The following ASCC3 variants were observed in gnomAD, a reference collection of about 807,000 sequenced individuals.
The protein encoded by ASCC3 is activating signal cointegrator 1 complex subunit 3.
In ASCC3, 158 loss-of-function variants were observed where a neutral mutation model predicts 256.3. The ratio of observed to expected loss-of-function variants is 0.62; its 90% CI spans 0.54 to 0.70. The LOEUF is 0.70. ASCC3 is among the 30% of genes least tolerant of loss of function. The pLI is 0.00. For synonymous variants in ASCC3, 948 were observed against 883.4 expected (o/e 1.07, Z -1.30); for missense variants, 2,259 against 2,626.0 (o/e 0.86, Z 3.05).
At chr6:100,841,218 T>C (rs896776889) in intron 4 of ASCC3, among the ~76,000 whole-genome samples, 7 of 152,094 alleles carry the variant, frequency 4.6e-5, no homozygotes, top group African/African-American at 1.4e-4. Context: ...AAGGAGATAG[T>C]AGTAAGGAAC....
intron 2 of ASCC3, among the ~76,000 whole-genome samples, chr6:100,865,848 C>T (rs1773450700): frequency 6.6e-6 from 1 of 152,158 alleles, no homozygotes; most frequent in Non-Finnish European, 1.5e-5. Flanking sequence ...AAATTCACAA[C>T]ATTATGGCTA....
At chr6:100,544,164 T>G (rs1775595882) in intron 36 of ASCC3, among the ~76,000 whole-genome samples, 9 of 152,108 alleles carry the variant, frequency 5.9e-5, no homozygotes, top group African/African-American at 2.2e-4. Context: ...GGGATATCAT[T>G]GGAACAGTAC....
intron 4 of ASCC3, among the ~76,000 whole-genome samples, chr6:100,842,614 A>C (rs952658853): frequency 3.9e-5 from 6 of 152,166 alleles, no homozygotes; most frequent in Admixed American, 3.3e-4. Flanking sequence ...TTTCGAAAAT[A>C]GTTATTTTTC....
At chr6:100,624,597 A>G (rs1774136425) in intron 30 of ASCC3, among the ~76,000 whole-genome samples, 1 of 152,006 alleles carries the variant, frequency 6.6e-6, no homozygotes, top group Non-Finnish European at 1.5e-5. Context: ...AAGCTGTAAA[A>G]ATATTCACAT....
chr6:100,635,199 G>GTA (rs763864562), intron 25 of ASCC3, among the ~76,000 whole-genome samples: 5,720 of 150,714 alleles, frequency 0.038, 148 homozygotes, highest in Non-Finnish European at 0.058. Flanking sequence ...ATGTGTGTGT[G>GTA]TATATATATA....
In ASCC3 at chr6:100,615,213, T is replaced by C. The variant is rs117123815; in HGVS notation, c.4786-8125A>G. Among the ~76,000 whole-genome samples, 435 of 152,190 alleles carry C rather than the reference T, an allele frequency of 2.9e-3. 1 individual carries two copies. Among genetic ancestry groups the C allele is most frequent in the Admixed American group, 3.8e-3 (58 of 15,294 alleles). ...GTCTTGAAATCCTGACCTCAGGTGA[T>C]CCACCCAACTCGGCCTCCTGCAGTG... On this transcript the variant is annotated intron_variant, in intron 30 of 41. Coordinates refer to ENST00000369162, the MANE Select transcript of ASCC3 (RefSeq NM_006828.4).
intron 27 of ASCC3, 109 bp downstream of exon 27, chr6:100,628,906 T>C (rs1239869186): frequency 1.1e-5 from 11 of 1,037,926 alleles, no homozygotes; most frequent in South Asian, 3.1e-5. Flanking sequence ...AAAAATCACA[T>C]TGTGCCCTAG....
chr6:100,689,666 T>C (rs188071293), intron 13 of ASCC3, among the ~76,000 whole-genome samples: 9 of 152,322 alleles, frequency 5.9e-5, no homozygotes, highest in African/African-American at 2.2e-4. Flanking sequence ...TTATAAATTA[T>C]AATAGCTTGT....
rs530699187 is a variant in ASCC3, at chr6:100,531,826, C to T, written c.5775+8337G>A. On this transcript the variant is annotated intron_variant, in intron 37 of 41. Transcript: ENST00000369162. ...GCCCGCATAATGTAAGATTCTACTC[C>T]TGTCTACATTATGCACTACATAATT... is the stretch of plus-strand genomic sequence containing the variant. Among the ~76,000 whole-genome samples, 3 of 152,208 alleles carry T rather than the reference C, an allele frequency of 2.0e-5. No homozygotes were observed. In the South Asian group the frequency reaches 6.2e-4, roughly 32 times the overall value.
At chr6:100,873,121 T>C (rs1773830336) in intron 1 of ASCC3, among the ~76,000 whole-genome samples, 1 of 72,114 alleles carries the variant, frequency 1.4e-5, no homozygotes, top group Non-Finnish European at 3.1e-5. Flanking sequence ...CAAAGCCCAA[T>C]TTATGGAAAT....
chr6:100,614,176 C>T (rs1773544654), intron 30 of ASCC3, among the ~76,000 whole-genome samples: 1 of 151,940 alleles, frequency 6.6e-6, no homozygotes, highest in African/African-American at 2.4e-5. Flanking sequence ...GATTCTAACT[C>T]ATATTTAGCA....
chr6:100,536,796 T>C (rs1025948614), intron 37 of ASCC3, among the ~76,000 whole-genome samples: 12 of 152,042 alleles, frequency 7.9e-5, no homozygotes, highest in Admixed American at 2.0e-4. Flanking sequence ...CATTCTCTAA[T>C]AAAAGGAACC....
At chr6:100,529,822 A>G (rs1774776817) in intron 37 of ASCC3, among the ~76,000 whole-genome samples, 1 of 152,170 alleles carries the variant, frequency 6.6e-6, no homozygotes, top group African/African-American at 2.4e-5. Flanking sequence ...TTCATCAGTA[A>G]AACGAGAGTA....
chr6:100,597,973 CAAAA>C (rs34634494), intron 34 of ASCC3, among the ~76,000 whole-genome samples: 16 of 88,036 alleles, frequency 1.8e-4, no homozygotes, highest in African/African-American at 6.7e-4. Context: ...GACTCCGTCT[CAAAA>C]AAAAAAAAAA....
chr6:100,514,633 T>C (rs1240148753), intron 39 of ASCC3, among the ~76,000 whole-genome samples: 1 of 151,782 alleles, frequency 6.6e-6, no homozygotes, highest in Non-Finnish European at 1.5e-5. Context: ...TATTTATGTA[T>C]ATAAAACATG....
At chr6:100,574,150 A>G (rs892928501) in intron 36 of ASCC3, among the ~76,000 whole-genome samples, 2 of 152,144 alleles carry the variant, frequency 1.3e-5, no homozygotes, top group African/African-American at 4.8e-5. Flanking sequence ...ATACGGATCT[A>G]TCTTCTGTTT....
At position 100,581,902 on chromosome 6, in the gene ASCC3, G is replaced by A. The variant is rs1320662252; in HGVS notation, c.5550+7732C>T. On this transcript the variant is annotated intron_variant, in intron 36 of 41. Transcript: ENST00000369162. ...AAAGATCAGATAGTTGTAGATATGC[G>A]GTGTTATTTCTGAGGGCTCTGTTCT... Among the ~76,000 whole-genome samples the A allele has an allele frequency of 9.9e-5, 15 of 151,522 alleles. No individual in the cohort carries two copies. In the East Asian group the frequency reaches 1.4e-3, roughly 14 times the overall value.
At chr6:100,513,174 T>A (rs543439644) in intron 39 of ASCC3, among the ~76,000 whole-genome samples, 1 of 152,294 alleles carries the variant, frequency 6.6e-6, no homozygotes, top group Admixed American at 6.5e-5. Context: ...AGTGATTTTG[T>A]TCAGATTTCC....
chr6:100,583,920 G>C (rs1247014332), intron 36 of ASCC3, among the ~76,000 whole-genome samples: 1 of 152,182 alleles, frequency 6.6e-6, no homozygotes, highest in Admixed American at 6.5e-5. Context: ...TGAATCCTGA[G>C]TTCTAGTTTG....
Sources: allele counts gnomAD v4.1 joint callset (sites outside exome capture counted in the v4.1 genomes callset), GRCh38; gene constraint gnomAD v4.1.1; transcripts MANE v1.5; gene names NCBI Gene and HGNC (gene_info 2026-07-23, HGNC 2026-07-21).